CD99L2: variants seen among roughly 807,000 people sequenced by gnomAD.
CD99L2 encodes CD99 molecule like 2, also known as CD99 antigen-like protein 2.
A neutral mutation model predicts 27.3 loss-of-function variants in CD99L2; 24 were observed. The observed-to-expected ratio is 0.88, with a 90% CI of 0.64 to 1.24. The LOEUF (loss-of-function observed/expected upper bound fraction) is 1.24. CD99L2 is among the 50% of genes most tolerant of loss of function. The pLI is 0.00. For synonymous variants in CD99L2, 97 were observed against 87.9 expected (o/e 1.10, Z -0.58); for missense variants, 255 against 221.6 (o/e 1.15, Z -0.96).
intron 10 of CD99L2, among the ~76,000 whole-genome samples, chrX:150,769,436 G>A (rs1252703725): frequency 5.3e-5 from 6 of 112,860 alleles, no homozygotes; most frequent in African/African-American, 1.6e-4. Flanking sequence ...GTGGCTAACC[G>A]TGGCAAAGCT....
chrX:150,892,447 A>C (rs1225086519), intron 1 of CD99L2, among the ~76,000 whole-genome samples: 1 of 105,498 alleles, frequency 9.5e-6, no homozygotes, highest in Non-Finnish European at 1.9e-5. Context: ...TCTACTACAA[A>C]TACAAAAAAT....
intron 1 of CD99L2, among the ~76,000 whole-genome samples, chrX:150,845,807 T>C (rs1010692636): frequency 8.0e-5 from 9 of 112,538 alleles, no homozygotes; most frequent in African/African-American, 2.6e-4. Flanking sequence ...TGTCATGATG[T>C]GTCACAAGGC....
chrX:150,890,202 G>A (rs1333083982), intron 1 of CD99L2, among the ~76,000 whole-genome samples: 1 of 109,381 alleles, frequency 9.1e-6, no homozygotes, highest in Non-Finnish European at 1.9e-5. Context: ...TTTCAGGCTG[G>A]GCACAGTGGC....
chrX:150,778,500 GTGGGGGTGGGGGAAACA>G (rs1482145657), intron 7 of CD99L2, among the ~76,000 whole-genome samples: 1 of 102,406 alleles, frequency 9.8e-6, no homozygotes, highest in Non-Finnish European at 2.0e-5. Context: ...CTGTGCACAT[GTGGGGGTGGGGGAAACA>G]TGAGAACTCT....
intron 9 of CD99L2, among the ~76,000 whole-genome samples, chrX:150,771,362 C>G (rs1349113010): frequency 8.9e-6 from 1 of 112,787 alleles, no homozygotes; most frequent in Non-Finnish European, 1.9e-5. Flanking sequence ...GCCGGCCCCA[C>G]GCAGAGCGGG....
intron 10 of CD99L2, among the ~76,000 whole-genome samples, chrX:150,769,672 C>A (rs1276292483): frequency 1.0e-5 from 1 of 95,805 alleles, no homozygotes; most frequent in East Asian, 3.2e-4. Flanking sequence ...TCCTAGTCTC[C>A]CTGCCTGCGC....
Position 150,793,751 on chromosome X carries a change from A to G in CD99L2, c.436T>C (p.Ser146Pro). The G allele has an allele frequency of 8.4e-7, 1 of 1,188,631 alleles. No individual in the cohort carries two copies. Among genetic ancestry groups the G allele is most frequent in the Non-Finnish European group, 1.1e-6 (1 of 882,417 alleles). The stretch of plus-strand genomic sequence containing the variant: ...ACTATGTCTTCAAGATCCTTGTCTG[A>G]AAAACCTGGAGAAAATAAAACATAC... ...RKPIAGGGGF[S>P]DKDLEDIVGG... The change falls in exon 7 of 11, where the codon TCA becomes CCA. Residue 146 changes from serine (S) to proline (P), a missense_variant. Physicochemically the swap from Ser to Pro is moderately conservative, Grantham distance 74. Transcript: ENST00000370377.
In CD99L2 at chrX:150,859,228, C is replaced by T. The variant is rs782530508; in HGVS notation, c.68-27935G>A. ...AATAATAAAAAGTCTCAGCCAGGTG[C>T]GGTGGCTCACGCCTGTAATCCCAGC... On this transcript the variant is annotated intron_variant, in intron 1 of 10. Transcript: ENST00000370377. Among the ~76,000 whole-genome samples the T allele has an allele frequency of 2.1e-3, 232 of 111,596 alleles. 1 individual carries two copies. Among genetic ancestry groups the T allele is most frequent in the South Asian group, 7.3e-3 (19 of 2,612 alleles).
At chrX:150,770,229 T>C in intron 10 of CD99L2, 75 bp downstream of exon 10, 1 of 993,188 alleles carries the variant, frequency 1.0e-6, no homozygotes, top group Non-Finnish European at 1.4e-6. Context: ...TCCCTGCTTC[T>C]CTAGCACAGT....
chrX:150,828,874 T>C (rs2046399812), intron 2 of CD99L2: 1 of 111,771 alleles, frequency 8.9e-6, no homozygotes. Context: ...TCTTTGGTCC[T>C]AGCAGTCACA....
chrX:150,868,065 G>A (rs2047097859), intron 1 of CD99L2, among the ~76,000 whole-genome samples: 2 of 101,311 alleles, frequency 2.0e-5, no homozygotes, highest in Non-Finnish European at 4.0e-5. Flanking sequence ...CTAGGCGACA[G>A]AGTGAGACTC....
chrX:150,815,578 G>A, intron 3 of CD99L2, among the ~76,000 whole-genome samples: 1 of 112,085 alleles, frequency 8.9e-6, no homozygotes, highest in African/African-American at 3.2e-5. Context: ...AAAGGGTCAA[G>A]TGACAACAGG....
At chrX:150,848,773 A>G (rs2046744994) in intron 1 of CD99L2, among the ~76,000 whole-genome samples, 1 of 111,030 alleles carries the variant, frequency 9.0e-6, no homozygotes, top group Non-Finnish European at 1.9e-5. Context: ...CCCCCTCAGA[A>G]TTCACTGGGC....
intron 1 of CD99L2, among the ~76,000 whole-genome samples, chrX:150,852,994 T>C (rs1557421649): frequency 9.0e-6 from 1 of 111,582 alleles, no homozygotes. Flanking sequence ...TAAAATACAA[T>C]AAGCAATCAC....
intron 1 of CD99L2, among the ~76,000 whole-genome samples, chrX:150,897,559 C>G (rs1336586586): frequency 9.8e-6 from 1 of 102,557 alleles, no homozygotes; most frequent in African/African-American, 3.8e-5. Flanking sequence ...GTGTGTGTTT[C>G]CTGAGCTCAC....
rs1189631751 is a variant in CD99L2 at position 150,884,328 on chromosome X, C to T, written c.67+14194G>A. On this transcript the variant is annotated intron_variant, in intron 1 of 10. Coordinates refer to ENST00000370377, the MANE Select transcript of CD99L2 (RefSeq NM_031462.4). ...CATGTCACATAGCCTCTAAAAAACG[C>T]CACTGCATACTCGTGAGAGGAGAAT... 3.6e-5 allele frequency among the ~76,000 whole-genome samples: 4 copies of T among 111,718 alleles called. No individual in the cohort carries two copies. In the East Asian group the frequency reaches 1.1e-3, roughly 31 times the overall value.
At chrX:150,809,096 G>A (rs1464272891) in intron 4 of CD99L2, among the ~76,000 whole-genome samples, 1 of 111,122 alleles carries the variant, frequency 9.0e-6, no homozygotes, top group African/African-American at 3.3e-5. Flanking sequence ...CTATAAGCAG[G>A]AAAAGGCAAG....
At chrX:150,841,243 A>C (rs2124268061) in intron 1 of CD99L2, among the ~76,000 whole-genome samples, 1 of 109,959 alleles carries the variant, frequency 9.1e-6, no homozygotes, top group East Asian at 2.9e-4. Flanking sequence ...AGTGGCATGC[A>C]AGAGATCTCC....
rs1370691044 is a variant in CD99L2, at chrX:150,811,524, AGAG to A, written c.277+3335_277+3337del. ...TCTTCAGTAACTCTTCCAGAAAATA[AGAG>A]GAGACAACACTACCTAAATAATCCA... On this transcript the variant is annotated intron_variant, in intron 4 of 10. Coordinates refer to ENST00000370377, the MANE Select transcript of CD99L2 (RefSeq NM_031462.4). Among the ~76,000 whole-genome samples the A allele has an allele frequency of 5.4e-5, 6 of 111,914 alleles. No individual in the cohort carries two copies. The South Asian group carries it at 1.1e-3, about 21-fold the overall frequency.
Sources: gnomAD v4.1 joint callset for allele counts (sites outside exome capture counted in the v4.1 genomes callset) on GRCh38, gnomAD v4.1.1 for gene constraint, MANE v1.5 for transcripts, NCBI Gene and HGNC (gene_info 2026-07-23, HGNC 2026-07-21) for gene names.